The following RSPO3 variants were observed in gnomAD, a reference collection of about 807,000 sequenced individuals.
RSPO3 encodes R-spondin-3.
RSPO3 carries 17 observed loss-of-function variants against 36.5 expected under a neutral mutation model. The ratio of observed to expected loss-of-function variants is 0.47; its 90% confidence interval spans 0.32 to 0.70. The LOEUF is 0.70. Among genes scored for constraint, RSPO3 ranks in the 30% least tolerant of loss-of-function variants. The pLI, the probability that RSPO3 is intolerant of heterozygous loss-of-function variation, is 0.04. For missense variants in RSPO3, 294 were observed against 322.5 expected, an observed-to-expected ratio of 0.91 and a Z score of 0.68; for synonymous variants, 108 against 107.0, an observed-to-expected ratio of 1.01 and a Z score of -0.06.
chr6:127,150,410 C>T lies in RSPO3; in HGVS notation c.290-16C>T, dbSNP rs775917773. 1 of 1,605,850 alleles carries T rather than the reference C, an allele frequency of 6.2e-7. No homozygotes were observed. The highest frequency in any genetic ancestry group is 1.1e-5 in the South Asian group (1 of 90,588). Reference sequence around the variant, plus strand: ...GAACATAATGCAAGCATATTTCTTTCTTTTTTCTCTTTCAGAATGCAAAGC... The same window carrying T: ...GAACATAATGCAAGCATATTTCTTTTTTTTTTCTCTTTCAGAATGCAAAGC... On this transcript the variant is annotated splice_polypyrimidine_tract_variant and intron_variant, in intron 2 of 4. Coordinates refer to ENST00000356698, the MANE Select transcript of RSPO3 (RefSeq NM_032784.5).
chr6:127,194,822 G>T (rs1775480932), intron 4 of RSPO3, among the ~76,000 whole-genome samples: 1 of 152,068 alleles, frequency 6.6e-6, no homozygotes, highest in Non-Finnish European at 1.5e-5. Flanking sequence ...CTCCAGGTCG[G>T]GGGCCTGCAT....
chr6:127,149,506 A>G (rs1282242170), intron 2 of RSPO3, among the ~76,000 whole-genome samples: 1 of 151,926 alleles, frequency 6.6e-6, no homozygotes, highest in Non-Finnish European at 1.5e-5. Flanking sequence ...CTTTTTGTCC[A>G]CATCTTTGCA....
At chr6:127,172,996 C>T (rs1418764790) in intron 4 of RSPO3, among the ~76,000 whole-genome samples, 2 of 151,768 alleles carry the variant, frequency 1.3e-5, no homozygotes, top group Non-Finnish European at 2.9e-5. Context: ...TCTTTCCATT[C>T]TGTCTTTTTC....
chr6:127,197,316 T>A lies in RSPO3; in HGVS notation c.*1309T>A. 2 of 1,394,822 alleles carry A rather than the reference T, an allele frequency of 1.4e-6. No homozygotes were observed. The highest frequency in any genetic ancestry group is 1.9e-6 in the Non-Finnish European group (2 of 1,036,412). 86.4% of individuals were successfully genotyped at this position (1,394,822 alleles called of 1,614,324 possible). A position where few individuals can be genotyped will look rare whatever the true frequency, so the allele number is the denominator to read the frequency against. On this transcript the variant is annotated 3_prime_UTR_variant, in exon 5 of 5. Transcript: ENST00000356698. ...GGGCCTCCCTAGCTGATTTCACTGC[T>A]CCCCCTTCATTGCTTAGAAATGGGC... is the stretch of plus-strand genomic sequence containing the variant.
At chr6:127,157,310 A>G (rs1774613258) in intron 4 of RSPO3, among the ~76,000 whole-genome samples, 1 of 152,146 alleles carries the variant, frequency 6.6e-6, no homozygotes, top group South Asian at 2.1e-4. Flanking sequence ...TTCAGTACAC[A>G]TTCCTTTTAA....
intron 3 of RSPO3, among the ~76,000 whole-genome samples, chr6:127,153,452 T>C (rs769838223): frequency 8.5e-5 from 13 of 152,108 alleles, no homozygotes; most frequent in Non-Finnish European, 1.6e-4. Context: ...GTTTTAACTC[T>C]CTGGTCTCAT....
Position 127,191,104 on chromosome 6 carries a change from C to G in RSPO3, c.635-4719C>G, listed in dbSNP as rs188665083. Among the ~76,000 whole-genome samples, 38 of 152,052 alleles carry G rather than the reference C, an allele frequency of 2.5e-4. No individual in the cohort carries two copies. The East Asian group carries it at 5.6e-3, about 22-fold the overall frequency. On this transcript the variant is annotated intron_variant, in intron 4 of 4. Transcript: ENST00000356698. ...ACTTGAACAGGTTTTAAAAAGATAA[C>G]CTGCAATTAATTTAATTTATATCTG...
At chr6:127,169,305 T>C (rs1774889350) in intron 4 of RSPO3, among the ~76,000 whole-genome samples, 2 of 151,856 alleles carry the variant, frequency 1.3e-5, no homozygotes, top group Admixed American at 1.3e-4. Context: ...AATTGTTAGA[T>C]ACTGCAATCT....
At chr6:127,146,876 T>A (rs1774394624) in intron 1 of RSPO3, among the ~76,000 whole-genome samples, 1 of 152,164 alleles carries the variant, frequency 6.6e-6, no homozygotes, top group Admixed American at 6.5e-5. Context: ...CCCCTTTTAC[T>A]TTTTAGGATC....
intron 1 of RSPO3, among the ~76,000 whole-genome samples, chr6:127,129,014 G>A (rs560657044): frequency 1.8e-4 from 28 of 152,124 alleles, no homozygotes; most frequent in African/African-American, 6.7e-4. Flanking sequence ...TGTCTTACCA[G>A]ATGACTGGTA....
intron 4 of RSPO3, among the ~76,000 whole-genome samples, chr6:127,157,437 C>T (rs1774615271): frequency 9.4e-6 from 1 of 106,154 alleles, no homozygotes; most frequent in Non-Finnish European, 2.0e-5. Flanking sequence ...TAGCACTTGA[C>T]TTAAACATTG....
Position 127,119,068 on chromosome 6 carries a change from G to A in RSPO3, c.-125G>A. On this transcript the variant is annotated 5_prime_UTR_variant, in exon 1 of 5. Transcript: ENST00000356698. ...CACAGCACGCCTATCGGATGTGAGA[G>A]GAGAAGTCCCGCTGCTCGGGCACTG... 1.5e-6 allele frequency: 1 copy of A among 675,622 alleles called. No homozygotes were observed. Among genetic ancestry groups the A allele is most frequent in the Non-Finnish European group, 2.5e-6 (1 of 404,916 alleles). 41.9% of individuals were successfully genotyped at this position (675,622 alleles called of 1,614,324 possible).
intron 4 of RSPO3, among the ~76,000 whole-genome samples, chr6:127,163,304 T>C (rs959596665): frequency 6.6e-6 from 1 of 152,126 alleles, no homozygotes. Flanking sequence ...GAAACCTCTT[T>C]GACATAGGGG....
intron 1 of RSPO3, among the ~76,000 whole-genome samples, chr6:127,123,516 G>A (rs1773885404): frequency 6.6e-6 from 1 of 152,070 alleles, no homozygotes; most frequent in Admixed American, 6.5e-5. Context: ...ACATCTTTGT[G>A]AACTCAAATT....
chr6:127,121,868 T>C (rs1384111629), intron 1 of RSPO3, among the ~76,000 whole-genome samples: 1 of 152,242 alleles, frequency 6.6e-6, no homozygotes, highest in Non-Finnish European at 1.5e-5. Flanking sequence ...CCTAATTGTT[T>C]CTTCAAGAGA....
intron 4 of RSPO3, among the ~76,000 whole-genome samples, chr6:127,167,685 T>C (rs886716560): frequency 6.6e-6 from 1 of 152,088 alleles, no homozygotes; most frequent in African/African-American, 2.4e-5. Context: ...TATGTATACA[T>C]GTGCCATGTT....
intron 1 of RSPO3, among the ~76,000 whole-genome samples, chr6:127,135,404 A>C (rs1441205451): frequency 4.2e-5 from 6 of 142,610 alleles, no homozygotes; most frequent in Non-Finnish European, 6.1e-5. Context: ...CTGGCAACAG[A>C]GTGAGAATCC....
At chr6:127,187,329 A>G (rs1043101945) in intron 4 of RSPO3, among the ~76,000 whole-genome samples, 8 of 152,154 alleles carry the variant, frequency 5.3e-5, no homozygotes, top group Non-Finnish European at 1.0e-4. Context: ...AGGTAATAAA[A>G]TTCCCATATT....
intron 1 of RSPO3, among the ~76,000 whole-genome samples, chr6:127,135,221 A>T (rs1467396294): frequency 6.6e-6 from 1 of 152,114 alleles, no homozygotes; most frequent in African/African-American, 2.4e-5. Flanking sequence ...AGAGATCGAG[A>T]CCATCATAGC....
Sources: allele counts gnomAD v4.1 joint callset (sites outside exome capture counted in the v4.1 genomes callset), GRCh38; gene constraint gnomAD v4.1.1; transcripts MANE v1.5; gene names NCBI Gene and HGNC (gene_info 2026-07-23, HGNC 2026-07-21).